Variants in ANKS1B observed in about 807,000 individuals in gnomAD.
ANKS1B encodes the protein ankyrin repeat and sterile alpha motif domain-containing protein 1B.
ANKS1B carries 36 observed loss-of-function variants against 148.3 expected under a neutral mutation model. The ratio of observed to expected loss-of-function variants is 0.24; its 90% CI spans 0.19 to 0.32. ANKS1B has a LOEUF of 0.32. Among genes scored for constraint, ANKS1B ranks in the 10% least tolerant of loss-of-function variants. The pLI is 1.00. For synonymous variants in ANKS1B, 542 were observed against 560.8 expected (o/e 0.97, Z 0.47); for missense variants, 1,157 against 1,542.6 (o/e 0.75, Z 4.19).
chr12:99,039,071 T>C (rs1353762677), intron 17 of ANKS1B, among the ~76,000 whole-genome samples: 1 of 152,252 alleles, frequency 6.6e-6, no homozygotes, highest in Admixed American at 6.5e-5. Flanking sequence ...GTGCTTGGCA[T>C]ATAGTAGGTG....
intron 1 of ANKS1B, among the ~76,000 whole-genome samples, chr12:99,913,103 T>C (rs976504908): frequency 6.6e-6 from 1 of 152,314 alleles, no homozygotes; most frequent in South Asian, 2.1e-4. Flanking sequence ...CTTATTTTCA[T>C]ATAACTCTCT....
chr12:99,359,030 C>T (rs1359170144), intron 12 of ANKS1B, among the ~76,000 whole-genome samples: 2 of 152,170 alleles, frequency 1.3e-5, no homozygotes, highest in Admixed American at 1.3e-4. Context: ...AGAAATTGGC[C>T]AGGCAGAAAC....
rs2097473025 is a variant in ANKS1B, at chr12:99,572,753, ATAAT to A, written c.1273-68116_1273-68113del. 3.9e-5 allele frequency among the ~76,000 whole-genome samples: 6 copies of A among 152,226 alleles called. 1 individual carries two copies. Among genetic ancestry groups the A allele is most frequent in the African/African-American group, 1.4e-4 (6 of 41,576 alleles). Reference sequence around the variant, plus strand: ...AAATCCAAGATAACTATAGAGATAAATAATTATTTTTGTAAATTATAATAATTCC... The same window carrying A: ...AAATCCAAGATAACTATAGAGATAAATATTTTTGTAAATTATAATAATTCC... On this transcript the variant is annotated intron_variant, in intron 9 of 26. Transcript: ENST00000683438.
At chr12:98,802,812 C>A (rs986853847) in intron 20 of ANKS1B, among the ~76,000 whole-genome samples, 6 of 151,768 alleles carry the variant, frequency 4.0e-5, no homozygotes, top group African/African-American at 1.4e-4. Context: ...GTTTTGTTTT[C>A]GTTGCTGATT....
chr12:99,480,290 T>C (rs2096390049), intron 10 of ANKS1B, among the ~76,000 whole-genome samples: 1 of 151,890 alleles, frequency 6.6e-6, no homozygotes, highest in Non-Finnish European at 1.5e-5. Flanking sequence ...TCTTCATGTG[T>C]AGTGTGATAT....
At chr12:99,386,988 T>C (rs1435266692) in intron 12 of ANKS1B, among the ~76,000 whole-genome samples, 3 of 152,224 alleles carry the variant, frequency 2.0e-5, no homozygotes, top group African/African-American at 7.2e-5. Flanking sequence ...TGAGCACCTA[T>C]TATAAGGTCA....
intron 12 of ANKS1B, among the ~76,000 whole-genome samples, chr12:99,266,447 C>G (rs1004669484): frequency 6.6e-6 from 1 of 152,130 alleles, no homozygotes; most frequent in African/African-American, 2.4e-5. Context: ...TAATGAGCAA[C>G]ACTAGAAAGG....
intron 1 of ANKS1B, among the ~76,000 whole-genome samples, chr12:99,922,879 C>T (rs555530873): frequency 8.0e-4 from 122 of 151,924 alleles, no homozygotes; most frequent in African/African-American, 2.9e-3. Flanking sequence ...GATAACACAG[C>T]ATGAAGGCCC....
chr12:98,813,870 G>GT (rs1225203802), intron 19 of ANKS1B, among the ~76,000 whole-genome samples: 1 of 139,760 alleles, frequency 7.2e-6, no homozygotes, highest in Admixed American at 7.2e-5. Context: ...AAACTATTTT[G>GT]TTTTTTTAGT....
At position 99,777,014 on chromosome 12, in the gene ANKS1B, T is replaced by C. The variant is rs190446045; in HGVS notation, c.848-1353A>G. ...TAGATTTTTAAATGTTAACAGCTAATTCAATTTTTATGGAAACACAATGTG... is the reference window on the plus strand; with the variant it reads ...TAGATTTTTAAATGTTAACAGCTAACTCAATTTTTATGGAAACACAATGTG... On this transcript the variant is annotated intron_variant, in intron 6 of 26. Transcript: ENST00000683438. 2.9e-3 allele frequency among the ~76,000 whole-genome samples: 448 copies of C among 152,254 alleles called. 2 individuals are homozygous for C. Among genetic ancestry groups the C allele is most frequent in the Admixed American group, 4.6e-3 (70 of 15,284 alleles).
intron 17 of ANKS1B, among the ~76,000 whole-genome samples, chr12:99,045,375 T>G (rs1449838494): frequency 6.6e-6 from 1 of 152,204 alleles, no homozygotes; most frequent in Non-Finnish European, 1.5e-5. Flanking sequence ...CAGCCAGCTC[T>G]TCCTTCTTAA....
intron 8 of ANKS1B, among the ~76,000 whole-genome samples, chr12:99,754,907 AAG>A (rs2061427618): frequency 1.3e-5 from 2 of 152,152 alleles, no homozygotes; most frequent in African/African-American, 4.8e-5. Flanking sequence ...GAAAGAGCTC[AAG>A]TTAACAACCT....
intron 12 of ANKS1B, among the ~76,000 whole-genome samples, chr12:99,257,138 G>A (rs1236523297): frequency 2.6e-5 from 4 of 151,994 alleles, no homozygotes; most frequent in Non-Finnish European, 4.4e-5. Flanking sequence ...CAGCTACTCC[G>A]GAGGCTGAGG....
At chr12:99,458,692 C>T (rs1157000641) in intron 10 of ANKS1B, among the ~76,000 whole-genome samples, 2 of 151,726 alleles carry the variant, frequency 1.3e-5, no homozygotes, top group African/African-American at 4.8e-5. Context: ...AAATATATAA[C>T]CCTCCTAGAT....
At chr12:99,850,693 A>G (rs1686918143) in intron 1 of ANKS1B, among the ~76,000 whole-genome samples, 1 of 152,090 alleles carries the variant, frequency 6.6e-6, no homozygotes, top group South Asian at 2.1e-4. Flanking sequence ...TTTTGTATGA[A>G]AAGATTAAAT....
At chr12:99,767,654 T>C (rs1438775885) in intron 8 of ANKS1B, among the ~76,000 whole-genome samples, 1 of 152,102 alleles carries the variant, frequency 6.6e-6, no homozygotes, top group African/African-American at 2.4e-5. Flanking sequence ...TGTTAGGATA[T>C]TTATATTTCT....
At chr12:99,797,434 A>C (rs2066386799) in intron 4 of ANKS1B, among the ~76,000 whole-genome samples, 2 of 151,972 alleles carry the variant, frequency 1.3e-5, no homozygotes, top group Admixed American at 1.3e-4. Context: ...GAAAGTAGGA[A>C]GTCTACAAAG....
In ANKS1B at chr12:98,922,421, C is replaced by T. The variant is rs150118300; in HGVS notation, c.2779-90285G>A. On this transcript the variant is annotated intron_variant, in intron 17 of 26. Transcript: ENST00000683438. Reference sequence around the variant, plus strand: ...CTCTTTACGTTGACTCTAATTACTTCACCAGAAAAGGTAAACCTGTCATTG... The same window carrying T: ...CTCTTTACGTTGACTCTAATTACTTTACCAGAAAAGGTAAACCTGTCATTG... 3.3e-3 allele frequency among the ~76,000 whole-genome samples: 500 copies of T among 152,270 alleles called. 1 individual carries two copies. The highest frequency in any genetic ancestry group is 5.9e-3 in the Non-Finnish European group (398 of 68,022).
chr12:99,462,797 C>T (rs2096005702), intron 10 of ANKS1B, among the ~76,000 whole-genome samples: 1 of 152,176 alleles, frequency 6.6e-6, no homozygotes, highest in Admixed American at 6.5e-5. Context: ...TGGCCTGGTG[C>T]CCTCCCTGTG....
Sources: gnomAD v4.1 joint callset for allele counts (sites outside exome capture counted in the v4.1 genomes callset) on GRCh38, gnomAD v4.1.1 for gene constraint, MANE v1.5 for transcripts, NCBI Gene and HGNC (gene_info 2026-07-23, HGNC 2026-07-21) for gene names.